Variants in NOVA1 observed in about 807,000 individuals in gnomAD.
NOVA1 encodes RNA-binding protein Nova-1.
A neutral mutation model predicts 38.0 loss-of-function variants in NOVA1; 7 were observed. The ratio of observed to expected loss-of-function variants is 0.18; its 90% CI spans 0.10 to 0.35. NOVA1 has a LOEUF of 0.35. NOVA1 is among the 10% of genes least tolerant of loss of function. The pLI is 1.00. For missense variants in NOVA1, 460 were observed against 616.0 expected, an observed-to-expected ratio of 0.75 and a Z score of 2.68; for synonymous variants, 270 against 232.5, an observed-to-expected ratio of 1.16 and a Z score of -1.47.
At chr14:26,535,867 T>G (rs1349893281) in intron 2 of NOVA1, among the ~76,000 whole-genome samples, 1 of 151,028 alleles carries the variant, frequency 6.6e-6, no homozygotes, top group Admixed American at 6.6e-5. Context: ...TAGTCCCAGC[T>G]ACTCAGGTGG....
intron 2 of NOVA1, among the ~76,000 whole-genome samples, chr14:26,517,048 G>A (rs1594448136): frequency 6.6e-6 from 1 of 152,000 alleles, no homozygotes; most frequent in Non-Finnish European, 1.5e-5. Flanking sequence ...TGGGACTACA[G>A]GTATGTGCCA....
At chr14:26,516,341 G>T (rs897966046) in intron 2 of NOVA1, among the ~76,000 whole-genome samples, 2 of 152,130 alleles carry the variant, frequency 1.3e-5, no homozygotes, top group African/African-American at 4.8e-5. Flanking sequence ...GTGTCTTGAT[G>T]AGCAGAAGTT....
chr14:26,459,543 A>G (rs1167465544), intron 4 of NOVA1, among the ~76,000 whole-genome samples: 1 of 152,260 alleles, frequency 6.6e-6, no homozygotes, highest in East Asian at 1.9e-4. Context: ...GCATGACTGT[A>G]AATAGTGAGT....
chr14:26,463,374 C>T (rs183335372), intron 4 of NOVA1, among the ~76,000 whole-genome samples: 2 of 152,232 alleles, frequency 1.3e-5, no homozygotes, highest in Admixed American at 6.5e-5. Flanking sequence ...GTGTATTATA[C>T]ACAAACATAA....
intron 2 of NOVA1, chr14:26,593,881 T>A (rs28594620): frequency 6.6e-6 from 1 of 151,866 alleles, no homozygotes; most frequent in Non-Finnish European, 1.5e-5. Context: ...CCACCTCATG[T>A]ATAATGCAAA....
At chr14:26,529,169 G>A (rs957541049) in intron 2 of NOVA1, among the ~76,000 whole-genome samples, 5 of 149,334 alleles carry the variant, frequency 3.3e-5, no homozygotes, top group Non-Finnish European at 5.9e-5. Flanking sequence ...ACAGAATCTC[G>A]CTCTGTCACC....
intron 2 of NOVA1, among the ~76,000 whole-genome samples, chr14:26,587,963 T>C (rs888137915): frequency 3.3e-5 from 5 of 151,178 alleles, no homozygotes; most frequent in Non-Finnish European, 7.4e-5. Context: ...TTCTTTAAAA[T>C]CAGAATGATT....
chr14:26,452,812 G>A (rs935657120), intron 4 of NOVA1, among the ~76,000 whole-genome samples: 3 of 152,098 alleles, frequency 2.0e-5, no homozygotes, highest in Non-Finnish European at 4.4e-5. Flanking sequence ...ATTTATAAAC[G>A]CTTACTGAAT....
At chr14:26,476,560 T>C (rs189019620) in intron 3 of NOVA1, among the ~76,000 whole-genome samples, 1 of 152,276 alleles carries the variant, frequency 6.6e-6, no homozygotes, top group Admixed American at 6.5e-5. Context: ...ATTCACATCA[T>C]TTCACCTTCC....
chr14:26,468,974 C>G (rs556778065), intron 4 of NOVA1, among the ~76,000 whole-genome samples: 58 of 152,236 alleles, frequency 3.8e-4, no homozygotes, highest in Middle Eastern at 6.8e-3. Flanking sequence ...TTTGTTGAAT[C>G]TTAATGGAGT....
At chr14:26,503,474 T>C (rs1049510874) in intron 2 of NOVA1, among the ~76,000 whole-genome samples, 1 of 152,076 alleles carries the variant, frequency 6.6e-6, no homozygotes, top group Non-Finnish European at 1.5e-5. Context: ...ACCATATAGC[T>C]CTGATTGGCA....
At chr14:26,568,951 G>A (rs1892303992) in intron 2 of NOVA1, among the ~76,000 whole-genome samples, 1 of 151,912 alleles carries the variant, frequency 6.6e-6, no homozygotes, top group African/African-American at 2.4e-5. Context: ...ATACCTGGTG[G>A]TTAAAATAAT....
chr14:26,539,857 A>G (rs1317235827), intron 2 of NOVA1, among the ~76,000 whole-genome samples: 5 of 140,860 alleles, frequency 3.5e-5, no homozygotes, highest in Non-Finnish European at 7.7e-5. Flanking sequence ...GACTATAATA[A>G]TAAGAGGCAA....
intron 2 of NOVA1, chr14:26,549,586 T>C: frequency 2.7e-6 from 1 of 377,256 alleles, no homozygotes; most frequent in Non-Finnish European, 4.7e-6. Flanking sequence ...TAAGTTTAAC[T>C]GACCTCAATA....
intron 2 of NOVA1, among the ~76,000 whole-genome samples, chr14:26,565,356 G>A (rs1002742429): frequency 1.3e-5 from 2 of 151,962 alleles, no homozygotes; most frequent in Admixed American, 6.6e-5. Context: ...GAAGTCTATC[G>A]CCCATCCCAT....
chr14:26,553,987 A>T (rs975897529), intron 2 of NOVA1, among the ~76,000 whole-genome samples: 2 of 12,412 alleles, frequency 1.6e-4, no homozygotes, highest in African/African-American at 1.7e-4. Flanking sequence ...TTCTACTACA[A>T]ATACAAAAAA....
At chr14:26,501,007 T>G (rs1887208553) in intron 2 of NOVA1, among the ~76,000 whole-genome samples, 1 of 151,976 alleles carries the variant, frequency 6.6e-6, no homozygotes, top group African/African-American at 2.4e-5. Flanking sequence ...ACATATTTAG[T>G]TTTTTATCAA....
chr14:26,454,781 G>C (rs1883017530), intron 4 of NOVA1, among the ~76,000 whole-genome samples: 1 of 152,090 alleles, frequency 6.6e-6, no homozygotes, highest in Non-Finnish European at 1.5e-5. Context: ...GGTAAGGAAA[G>C]ACATGTAGAT....
intron 2 of NOVA1, among the ~76,000 whole-genome samples, chr14:26,494,554 T>G (rs533869135): frequency 5.9e-5 from 9 of 152,212 alleles, no homozygotes; most frequent in Admixed American, 5.9e-4. Context: ...TCAAGTGCTA[T>G]AGTATTATGG....
Sources: gnomAD v4.1 joint callset for allele counts (sites outside exome capture counted in the v4.1 genomes callset) on GRCh38, gnomAD v4.1.1 for gene constraint, MANE v1.5 for transcripts, NCBI Gene and HGNC (gene_info 2026-07-23, HGNC 2026-07-21) for gene names.